The following PTPRM variants were observed in gnomAD, a reference collection of about 807,000 sequenced individuals.
The protein encoded by PTPRM is receptor-type tyrosine-protein phosphatase mu.
In PTPRM, 47 loss-of-function variants were observed where a neutral mutation model predicts 186.7. The ratio of observed to expected loss-of-function variants is 0.25; its 90% confidence interval spans 0.20 to 0.32. The LOEUF (loss-of-function observed/expected upper bound fraction) is 0.32, where lower values mean the gene tolerates loss of function less well. Among genes scored for constraint, PTPRM ranks in the 10% least tolerant of loss-of-function variants. The probability of loss-of-function intolerance (pLI) is 1.00; values close to 1 mark genes in which losing one functional copy is unlikely to be tolerated. For synonymous variants in PTPRM, 668 were observed against 674.9 expected (o/e 0.99, Z 0.16); for missense variants, 1,494 against 1,865.0 (o/e 0.80, Z 3.66).
At chr18:8,191,642 C>T (rs1269014260) in intron 14 of PTPRM, among the ~76,000 whole-genome samples, 5 of 152,196 alleles carry the variant, frequency 3.3e-5, no homozygotes, top group African/African-American at 1.2e-4. Flanking sequence ...CCAACACACA[C>T]ACACCCAAGA....
At chr18:7,632,803 A>G (rs1454832759) in intron 1 of PTPRM, among the ~76,000 whole-genome samples, 1 of 152,230 alleles carries the variant, frequency 6.6e-6, no homozygotes, top group Non-Finnish European at 1.5e-5. Flanking sequence ...TGTAGGAATT[A>G]GCATGCCTGA....
chr18:7,702,015 A>G (rs1392286017), intron 1 of PTPRM, among the ~76,000 whole-genome samples: 1 of 152,200 alleles, frequency 6.6e-6, no homozygotes, highest in Non-Finnish European at 1.5e-5. Context: ...ATGTCCCTGC[A>G]AAGGACAGGA....
At chr18:8,404,736 G>A (rs1235927317) in intron 32 of PTPRM, 5 of 152,242 alleles carry the variant, frequency 3.3e-5, no homozygotes, top group African/African-American at 1.2e-4. Context: ...GTGAAAGCTT[G>A]TCTGCTCCAG....
At chr18:7,779,268 T>G (rs529342878) in intron 2 of PTPRM, among the ~76,000 whole-genome samples, 1 of 152,340 alleles carries the variant, frequency 6.6e-6, no homozygotes, top group Non-Finnish European at 1.5e-5. Context: ...TCTCTTAGTA[T>G]TTTTCCAGGT....
At chr18:7,895,679 C>T (rs1190674458) in intron 3 of PTPRM, among the ~76,000 whole-genome samples, 2 of 152,200 alleles carry the variant, frequency 1.3e-5, no homozygotes, top group East Asian at 3.9e-4. Flanking sequence ...CCATTTCTCA[C>T]TTCGCTTTGG....
chr18:8,104,658 A>G (rs1198670642), intron 11 of PTPRM, among the ~76,000 whole-genome samples: 2 of 152,022 alleles, frequency 1.3e-5, no homozygotes, highest in African/African-American at 4.8e-5. Context: ...ATCTTGCACA[A>G]GTTGGTCTCA....
At chr18:7,635,682 A>G (rs2038295442) in intron 1 of PTPRM, among the ~76,000 whole-genome samples, 1 of 152,212 alleles carries the variant, frequency 6.6e-6, no homozygotes, top group Non-Finnish European at 1.5e-5. Context: ...GTTTGCTCAT[A>G]TTGAGCCCAA....
At chr18:7,592,317 A>G (rs2037147698) in intron 1 of PTPRM, among the ~76,000 whole-genome samples, 1 of 152,218 alleles carries the variant, frequency 6.6e-6, no homozygotes, top group Non-Finnish European at 1.5e-5. Flanking sequence ...AAAATAGGGC[A>G]AATAGAACAA....
chr18:8,022,388 C>A (rs1360701727), intron 7 of PTPRM, among the ~76,000 whole-genome samples: 2 of 152,124 alleles, frequency 1.3e-5, no homozygotes, highest in Non-Finnish European at 2.9e-5. Context: ...TTAGGGTGCT[C>A]CAGGCAGAGA....
intron 2 of PTPRM, among the ~76,000 whole-genome samples, chr18:7,887,175 C>G (rs1159348494): frequency 6.6e-6 from 1 of 152,090 alleles, no homozygotes; most frequent in Non-Finnish European, 1.5e-5. Flanking sequence ...TAAAGCCGAC[C>G]TATGATAGCC....
intron 15 of PTPRM, among the ~76,000 whole-genome samples, chr18:8,246,260 G>T (rs1957734295): frequency 6.6e-6 from 1 of 152,174 alleles, no homozygotes; most frequent in Non-Finnish European, 1.5e-5. Context: ...CTCTTTCAGG[G>T]TTGGGAGAAA....
intron 7 of PTPRM, among the ~76,000 whole-genome samples, chr18:7,975,420 T>A (rs2054863802): frequency 6.6e-6 from 1 of 152,200 alleles, no homozygotes; most frequent in Non-Finnish European, 1.5e-5. Context: ...AATTGAATAT[T>A]TTTCAGAAAT....
At chr18:8,028,641 A>G (rs922077839) in intron 7 of PTPRM, among the ~76,000 whole-genome samples, 4 of 152,194 alleles carry the variant, frequency 2.6e-5, no homozygotes, top group African/African-American at 9.6e-5. Flanking sequence ...GCCTTAATCA[A>G]TAAATTATTC....
intron 3 of PTPRM, among the ~76,000 whole-genome samples, chr18:7,897,200 G>C (rs1472520081): frequency 1.3e-5 from 2 of 152,336 alleles, no homozygotes; most frequent in East Asian, 3.9e-4. Context: ...TCTCCGGGAA[G>C]GACACATGGT....
chr18:8,043,931 T>C (rs973253762), intron 7 of PTPRM, among the ~76,000 whole-genome samples: 1 of 152,166 alleles, frequency 6.6e-6, no homozygotes, highest in African/African-American at 2.4e-5. Flanking sequence ...TAGCTAGTGC[T>C]TATAGAAGTT....
At chr18:8,076,769 T>A (rs1174679340) in intron 9 of PTPRM, among the ~76,000 whole-genome samples, 3 of 152,136 alleles carry the variant, frequency 2.0e-5, no homozygotes, top group Non-Finnish European at 4.4e-5. Context: ...AGCTTTACAA[T>A]GAGTTGGACC....
rs545646640 is a variant in PTPRM, at chr18:8,366,748, G to A, written c.3055-4142G>A. ...CAGTAATGAGCAGGTGGCAGGGCTC[G>A]GGACTGTTAGCCTGATTGATGGCCT... is the stretch of plus-strand genomic sequence containing the variant. On this transcript the variant is annotated intron_variant, in intron 23 of 32. Coordinates refer to ENST00000580170, the MANE Select transcript of PTPRM (RefSeq NM_001105244.2). 8 of 152,366 alleles carry A rather than the reference G, an allele frequency of 5.3e-5. No individual in the cohort carries two copies. The South Asian group carries it at 1.7e-3, about 32-fold the overall frequency. 9.4% of individuals were successfully genotyped at this position (152,366 alleles called of 1,614,324 possible). A position where few individuals can be genotyped will look rare whatever the true frequency, so the allele number is the denominator to read the frequency against.
At chr18:7,629,546 T>C (rs1305312317) in intron 1 of PTPRM, among the ~76,000 whole-genome samples, 1 of 152,136 alleles carries the variant, frequency 6.6e-6, no homozygotes, top group African/African-American at 2.4e-5. Context: ...ACAAAAGCCC[T>C]TTTTGGAGGA....
chr18:8,206,268 A>ATTTTATTTTTTTTTTTTTTTTTTTTTTT (rs1238112461), intron 14 of PTPRM, among the ~76,000 whole-genome samples: 7 of 148,986 alleles, frequency 4.7e-5, no homozygotes, highest in African/African-American at 1.8e-4. Flanking sequence ...ATTTTATTTT[A>ATTTTATTTTTTTTTTTTTTTTTTTTTTT]TTTTGAGACG....
Sources: allele counts gnomAD v4.1 joint callset (sites outside exome capture counted in the v4.1 genomes callset), GRCh38; gene constraint gnomAD v4.1.1; transcripts MANE v1.5; gene names NCBI Gene and HGNC (gene_info 2026-07-23, HGNC 2026-07-21).